Variants in PDE3A observed in about 807,000 individuals in gnomAD.
PDE3A encodes cGMP-inhibited 3',5'-cyclic phosphodiesterase 3A.
A neutral mutation model predicts 98.3 loss-of-function variants in PDE3A; 43 were observed. The observed-to-expected ratio is 0.44, with a 90% CI of 0.34 to 0.56. The LOEUF is 0.56. Ranked by LOEUF, PDE3A falls within the 20% of genes least tolerant of loss-of-function variation. PDE3A has a pLI of 0.01. For synonymous variants in PDE3A, 663 were observed against 567.9 expected (o/e 1.17, Z -2.38); for missense variants, 1,427 against 1,440.7 (o/e 0.99, Z 0.15).
At chr12:20,635,304 C>T (rs903092553) in intron 8 of PDE3A, among the ~76,000 whole-genome samples, 7 of 152,106 alleles carry the variant, frequency 4.6e-5, no homozygotes, top group African/African-American at 1.2e-4. Flanking sequence ...CAGTGGCTCA[C>T]GCCTGTAATC....
chr12:20,571,134 A>G (rs1381850171), intron 2 of PDE3A, among the ~76,000 whole-genome samples: 1 of 152,130 alleles, frequency 6.6e-6, no homozygotes, highest in East Asian at 1.9e-4. Context: ...CTAGAGTTAG[A>G]GCTAAATTTC....
At chr12:20,396,777 C>T (rs1347506428) in intron 1 of PDE3A, among the ~76,000 whole-genome samples, 2 of 151,956 alleles carry the variant, frequency 1.3e-5, no homozygotes, top group Non-Finnish European at 1.5e-5. Flanking sequence ...GTTAGTTTGC[C>T]ACAGTTCATT....
intron 1 of PDE3A, among the ~76,000 whole-genome samples, chr12:20,386,049 T>TATAAATGTATATA (rs1249961883): frequency 2.0e-5 from 1 of 49,288 alleles, no homozygotes; most frequent in African/African-American, 7.5e-5. Flanking sequence ...AAAATATATA[T>TATAAATGTATATA]AAATATATAT....
At chr12:20,546,837 G>A (rs2311) in intron 1 of PDE3A, among the ~76,000 whole-genome samples, 42,624 of 151,924 alleles carry the variant, frequency 0.28, 7,084 homozygotes, top group East Asian at 0.55. Flanking sequence ...ATGGAATTAA[G>A]TAAGAGTTTG....
intron 2 of PDE3A, among the ~76,000 whole-genome samples, chr12:20,612,720 A>ATAGTTACTTATATAAGT (rs370751702): frequency 3.1e-3 from 24 of 7,812 alleles, no homozygotes; most frequent in African/African-American, 0.011. Flanking sequence ...TATAAGTAAT[A>ATAGTTACTTATATAAGT]AACTATATGT....
At chr12:20,606,963 A>G (rs764151671) in intron 2 of PDE3A, among the ~76,000 whole-genome samples, 1 of 152,034 alleles carries the variant, frequency 6.6e-6, no homozygotes, top group Non-Finnish European at 1.5e-5. Context: ...CTTCTTATCT[A>G]TAGCATCAGA....
chr12:20,416,795 C>T (rs1944427884), intron 1 of PDE3A, among the ~76,000 whole-genome samples: 1 of 152,010 alleles, frequency 6.6e-6, no homozygotes, highest in Non-Finnish European at 1.5e-5. Context: ...GCCCAGGTAC[C>T]TCACACATAC....
rs1014890010 is a variant in PDE3A at position 20,541,973 on chromosome 12, T to C, written c.961-14687T>C. Among the ~76,000 whole-genome samples the C allele has an allele frequency of 3.9e-5, 6 of 152,092 alleles. No individual in the cohort carries two copies. The East Asian group carries it at 5.8e-4, about 15-fold the overall frequency. ...CTAATTGAAAGTGGAACTAAAGTAA[T>C]TTTTGGCACAAATCGGCTTTAGAGG... is the stretch of plus-strand genomic sequence containing the variant. On this transcript the variant is annotated intron_variant, in intron 1 of 15. Transcript: ENST00000359062.
intron 1 of PDE3A, among the ~76,000 whole-genome samples, chr12:20,480,805 A>G (rs1224266496): frequency 6.6e-6 from 1 of 152,242 alleles, no homozygotes; most frequent in Admixed American, 6.5e-5. Context: ...GATAAGTTCT[A>G]GTGGGAGAAG....
chr12:20,607,126 G>A (rs1347689696), intron 2 of PDE3A, among the ~76,000 whole-genome samples: 1 of 151,900 alleles, frequency 6.6e-6, no homozygotes. Flanking sequence ...GATAAAAGAG[G>A]AAAAGGAAGT....
At chr12:20,432,280 G>A (rs1944710966) in intron 1 of PDE3A, among the ~76,000 whole-genome samples, 3 of 152,158 alleles carry the variant, frequency 2.0e-5, no homozygotes, top group Admixed American at 2.0e-4. Context: ...TCTATGAGAT[G>A]CTGGAAGATT....
intron 1 of PDE3A, among the ~76,000 whole-genome samples, chr12:20,431,594 AAC>A (rs35221225): frequency 0.11 from 15,537 of 146,656 alleles, 897 homozygotes; most frequent in Admixed American, 0.17. Flanking sequence ...TAGTCAGGAA[AAC>A]ACACACACAC....
chr12:20,568,669 T>A (rs1942721324), intron 2 of PDE3A, among the ~76,000 whole-genome samples: 1 of 152,002 alleles, frequency 6.6e-6, no homozygotes, highest in African/African-American at 2.4e-5. Flanking sequence ...TTAATGAATA[T>A]TAAAATTTTC....
chr12:20,658,996 C>T (rs1199663837), intron 15 of PDE3A, among the ~76,000 whole-genome samples: 1 of 152,064 alleles, frequency 6.6e-6, no homozygotes, highest in Non-Finnish European at 1.5e-5. Context: ...TAAAACATAG[C>T]ACATGTATTT....
At chr12:20,376,439 A>G (rs1943572206) in intron 1 of PDE3A, among the ~76,000 whole-genome samples, 1 of 151,890 alleles carries the variant, frequency 6.6e-6, no homozygotes, top group African/African-American at 2.4e-5. Context: ...TCAGCATTAG[A>G]AGACTGAATA....
At chr12:20,598,015 A>G (rs1943505545) in intron 2 of PDE3A, among the ~76,000 whole-genome samples, 1 of 152,094 alleles carries the variant, frequency 6.6e-6, no homozygotes, top group Admixed American at 6.5e-5. Flanking sequence ...CACTTCTAAC[A>G]GTGTTTCTTT....
At chr12:20,519,945 C>T (rs539014028) in intron 1 of PDE3A, among the ~76,000 whole-genome samples, 2 of 152,254 alleles carry the variant, frequency 1.3e-5, no homozygotes, top group Non-Finnish European at 2.9e-5. Context: ...TCTCCATACT[C>T]CTCCAACGTA....
intron 1 of PDE3A, among the ~76,000 whole-genome samples, chr12:20,443,887 T>C (rs1379219728): frequency 6.6e-6 from 1 of 152,194 alleles, no homozygotes; most frequent in East Asian, 1.9e-4. Context: ...CAATAACCTA[T>C]TGAAAGCACA....
intron 15 of PDE3A, among the ~76,000 whole-genome samples, chr12:20,663,815 G>T (rs1292463180): frequency 6.6e-6 from 1 of 152,138 alleles, no homozygotes; most frequent in Admixed American, 6.5e-5. Flanking sequence ...AAGACATTGG[G>T]GGACTTTTGG....
Sources: gnomAD v4.1 joint callset for allele counts (sites outside exome capture counted in the v4.1 genomes callset) on GRCh38, gnomAD v4.1.1 for gene constraint, MANE v1.5 for transcripts, NCBI Gene and HGNC (gene_info 2026-07-23, HGNC 2026-07-21) for gene names.